NFX1: variants seen among roughly 807,000 people sequenced by gnomAD.
NFX1 encodes nuclear transcription factor, X-box binding 1, also known as transcriptional repressor NF-X1.
NFX1 carries 69 observed loss-of-function variants against 137.2 expected under a neutral mutation model. That is an observed-to-expected ratio of 0.50 (90% CI 0.41 to 0.61). The LOEUF (loss-of-function observed/expected upper bound fraction) is 0.61. Ranked by LOEUF, NFX1 falls within the 20% of genes least tolerant of loss-of-function variation. The pLI is 0.00. For missense variants in NFX1, 1,167 were observed against 1,391.0 expected, an observed-to-expected ratio of 0.84 and a Z score of 2.56; for synonymous variants, 495 against 474.1, an observed-to-expected ratio of 1.04 and a Z score of -0.57.
intron 17 of NFX1, 47 bp from the exon 18 acceptor site, chr9:33,354,039 T>C (rs1177946060): frequency 1.3e-6 from 2 of 1,535,350 alleles, no homozygotes. Context: ...AAGGAGGTTC[T>C]TGTGAAACTG....
intron 15 of NFX1, 68 bp downstream of exon 15, chr9:33,347,185 T>C: frequency 8.2e-7 from 1 of 1,226,602 alleles, no homozygotes. Context: ...TTAAGAATTG[T>C]TAGTCTCATC....
chr9:33,347,614 CTG>C (rs1004603920), intron 15 of NFX1: 5 of 325,114 alleles, frequency 1.5e-5, no homozygotes, highest in Admixed American at 7.2e-5. Context: ...CTGTGGAAAA[CTG>C]TGGAGATTCC....
At chr9:33,291,396 T>C (rs1272604766) in intron 1 of NFX1, among the ~76,000 whole-genome samples, 1 of 152,242 alleles carries the variant, frequency 6.6e-6, no homozygotes, top group Non-Finnish European at 1.5e-5. Flanking sequence ...TTCTGTTTTC[T>C]GTTTCGTTTA....
intron 15 of NFX1, among the ~76,000 whole-genome samples, chr9:33,350,404 A>G (rs1823595547): frequency 6.6e-6 from 1 of 152,202 alleles, no homozygotes; most frequent in Non-Finnish European, 1.5e-5. Flanking sequence ...ATCTATAAGA[A>G]TTAGTCTATT....
chr9:33,306,937 T>C (rs899329764), intron 4 of NFX1, among the ~76,000 whole-genome samples: 1 of 152,240 alleles, frequency 6.6e-6, no homozygotes, highest in Non-Finnish European at 1.5e-5. Context: ...GTCAAGATAG[T>C]ATTTTCGTAA....
chr9:33,359,962 A>G (rs1823937079), intron 19 of NFX1, among the ~76,000 whole-genome samples: 1 of 152,236 alleles, frequency 6.6e-6, no homozygotes, highest in Admixed American at 6.5e-5. Context: ...ACCTCTTTAC[A>G]TATTAAGTGT....
At chr9:33,326,187 C>T (rs138099404) in intron 9 of NFX1, among the ~76,000 whole-genome samples, 2 of 151,944 alleles carry the variant, frequency 1.3e-5, no homozygotes, top group African/African-American at 4.8e-5. Flanking sequence ...CCAAGGTGGG[C>T]AGATCACTTG....
chr9:33,324,334 G>A (rs895678207), intron 9 of NFX1, among the ~76,000 whole-genome samples: 4 of 152,040 alleles, frequency 2.6e-5, no homozygotes, highest in African/African-American at 7.2e-5. Flanking sequence ...AGCCGAGATC[G>A]CACCACTGTA....
rs557960916 is a variant in NFX1, at chr9:33,345,349, C to T, written c.2344+1161C>T. 2.6e-5 allele frequency among the ~76,000 whole-genome samples: 4 copies of T among 151,480 alleles called. No individual in the cohort carries two copies. In the South Asian group the frequency reaches 8.4e-4, roughly 32 times the overall value. ...AAACTTAGCCTGGCGTGGTGGTGGACGCCTGTAATCCCAGCTACTTGGGAG... is the reference window on the plus strand; with the variant it reads ...AAACTTAGCCTGGCGTGGTGGTGGATGCCTGTAATCCCAGCTACTTGGGAG... On this transcript the variant is annotated intron_variant, in intron 14 of 23. Coordinates refer to ENST00000379540, the MANE Select transcript of NFX1 (RefSeq NM_002504.6).
chr9:33,353,683 C>CTTTTTT (rs111306917), intron 17 of NFX1, among the ~76,000 whole-genome samples: 11 of 110,078 alleles, frequency 1.0e-4, no homozygotes, highest in East Asian at 2.8e-4. Context: ...GATAGATTTG[C>CTTTTTT]TTTTTTTTTT....
intron 3 of NFX1, among the ~76,000 whole-genome samples, chr9:33,302,967 C>CTTT (rs35723578): frequency 1.7e-5 from 2 of 119,302 alleles, no homozygotes; most frequent in Non-Finnish European, 1.8e-5. Flanking sequence ...CACACCTGGC[C>CTTT]TTTTTTTTTT....
chr9:33,339,176 G>GT (rs1207659091), intron 12 of NFX1, among the ~76,000 whole-genome samples: 1 of 152,056 alleles, frequency 6.6e-6, no homozygotes, highest in East Asian at 1.9e-4. Flanking sequence ...GTGTATGTAT[G>GT]TATTAGTCCA....
intron 1 of NFX1, among the ~76,000 whole-genome samples, chr9:33,294,148 A>C (rs1302222355): frequency 6.6e-6 from 1 of 152,232 alleles, no homozygotes; most frequent in African/African-American, 2.4e-5. Context: ...AGATGTATAC[A>C]TAGTACTTTA....
chr9:33,364,679 CA>C (rs1165708106), intron 20 of NFX1, 28 bp from the exon 21 acceptor site: 7 of 1,605,620 alleles, frequency 4.4e-6, no homozygotes, highest in Non-Finnish European at 6.0e-6. Flanking sequence ...CAGGGACAGA[CA>C]AAATTAACTG....
intron 14 of NFX1, among the ~76,000 whole-genome samples, chr9:33,344,739 G>A (rs112857164): frequency 0.017 from 2,571 of 152,144 alleles, 79 homozygotes; most frequent in African/African-American, 0.056. Flanking sequence ...GGTGGTGCAC[G>A]CCTGTAGTCC....
chr9:33,326,838 T>TA, intron 9 of NFX1, among the ~76,000 whole-genome samples: 1 of 152,306 alleles, frequency 6.6e-6, no homozygotes, highest in South Asian at 2.1e-4. Flanking sequence ...ATAGATGTGA[T>TA]ATGTATAACA....
intron 21 of NFX1, chr9:33,365,719 G>A (rs1824150030): frequency 6.6e-6 from 1 of 152,234 alleles, no homozygotes; most frequent in South Asian, 2.1e-4. Flanking sequence ...GTGACTGTGT[G>A]GGACACTTAG....
Position 33,342,805 on chromosome 9 carries a change from G to A in NFX1, c.2175G>A (p.Arg725=), listed in dbSNP as rs780742916. ...GGAAACTCCGTTGTGGCCTTCATAG[G>A]TGTGAAGAACCTTGTCATCGTGGAA... ...CGRKLRCGLH[R]CEEPCHRGNC... The change falls in exon 13 of 24, where the codon AGG becomes AGA. Residue 725 remains arginine (R), a synonymous_variant. Coordinates refer to ENST00000379540, the MANE Select transcript of NFX1 (RefSeq NM_002504.6). The A allele has an allele frequency of 1.2e-6, 2 of 1,613,842 alleles. No homozygotes were observed. Among genetic ancestry groups the A allele is most frequent in the Non-Finnish European group, 1.7e-6 (2 of 1,179,900 alleles).
intron 18 of NFX1, 84 bp downstream of exon 18, chr9:33,354,271 CT>C: frequency 9.1e-7 from 1 of 1,103,594 alleles, no homozygotes; most frequent in South Asian, 1.5e-5. Context: ...TATCTCAATC[CT>C]TCATAGTAGA....
Sources: allele counts gnomAD v4.1 joint callset (sites outside exome capture counted in the v4.1 genomes callset), GRCh38; gene constraint gnomAD v4.1.1; transcripts MANE v1.5; gene names NCBI Gene and HGNC (gene_info 2026-07-23, HGNC 2026-07-21).